The following NAPA variants were observed in gnomAD, a reference collection of about 807,000 sequenced individuals.
NAPA encodes NSF attachment protein alpha.
In NAPA, 18 loss-of-function variants were observed where a neutral mutation model predicts 48.0. The ratio of observed to expected loss-of-function variants is 0.38; its 90% CI spans 0.26 to 0.56. The LOEUF (loss-of-function observed/expected upper bound fraction) is 0.56. Ranked by LOEUF, NAPA falls within the 20% of genes least tolerant of loss-of-function variation. NAPA has a pLI of 0.77. For synonymous variants in NAPA, 152 were observed against 149.9 expected, an observed-to-expected ratio of 1.01 and a Z score of -0.10; for missense variants, 315 against 385.0, an observed-to-expected ratio of 0.82 and a Z score of 1.52.
At chr19:47,502,751 A>C (rs1968608158) in intron 2 of NAPA, among the ~76,000 whole-genome samples, 1 of 152,182 alleles carries the variant, frequency 6.6e-6, no homozygotes, top group Non-Finnish European at 1.5e-5. Context: ...GGGAGCTCCA[A>C]ACAGATCTCC....
intron 9 of NAPA, among the ~76,000 whole-genome samples, 198 bp from the exon 10 acceptor site, chr19:47,489,959 C>T (rs1455086032): frequency 6.6e-6 from 1 of 152,130 alleles, no homozygotes; most frequent in African/African-American, 2.4e-5. Context: ...TCATCAGAAA[C>T]GGCTTGCTCT....
At chr19:47,495,323 A>G (rs1968392265) in intron 4 of NAPA, 1 of 592,216 alleles carries the variant, frequency 1.7e-6, no homozygotes, top group African/African-American at 1.9e-5. Context: ...AATGAAAACC[A>G]TGACTGCCTG....
intron 1 of NAPA, among the ~76,000 whole-genome samples, chr19:47,512,216 G>A (rs1198115394): frequency 2.0e-5 from 3 of 152,054 alleles, no homozygotes; most frequent in African/African-American, 7.3e-5. Context: ...TCAGTTCCCT[G>A]TCTTTCCAGG....
intron 9 of NAPA, among the ~76,000 whole-genome samples, 158 bp downstream of exon 9, chr19:47,490,630 T>TG (rs1968237183): frequency 7.8e-6 from 1 of 128,686 alleles, no homozygotes; most frequent in African/African-American, 2.8e-5. Flanking sequence ...ATCTGGAAAA[T>TG]GGAGACTCAA....
Position 47,515,047 on chromosome 19 carries a change from A to C in NAPA, c.-107T>G. 1 of 1,144,230 alleles carries C rather than the reference A, an allele frequency of 8.7e-7. No individual in the cohort carries two copies. Among genetic ancestry groups the C allele is most frequent in the Non-Finnish European group, 1.2e-6 (1 of 807,522 alleles). 70.9% of individuals were successfully genotyped at this position (1,144,230 alleles called of 1,614,324 possible). On this transcript the variant is annotated 5_prime_UTR_variant, in exon 1 of 11. Transcript: ENST00000263354. ...CGGTAAAACTCGCCCGGCTGCGTTG[A>C]CGTCGCACCGGCGCGCGTCGCTTGC...
chr19:47,495,665 A>C (rs1968404198), intron 3 of NAPA, 69 bp from the exon 4 acceptor site: 7 of 1,451,574 alleles, frequency 4.8e-6, no homozygotes, highest in Non-Finnish European at 6.8e-6. Flanking sequence ...TGAGGAGAGG[A>C]GGCGGACGCA....
At chr19:47,489,252 A>C (rs1177096288) in intron 10 of NAPA, 2 of 171,120 alleles carry the variant, frequency 1.2e-5, no homozygotes, top group Admixed American at 5.6e-5. Context: ...GAAGGGAGAG[A>C]GAGCCGCGTG....
chr19:47,488,651 A>G (rs1010558729), intron 10 of NAPA: 1 of 236,074 alleles, frequency 4.2e-6, no homozygotes, highest in Non-Finnish European at 8.3e-6. Flanking sequence ...TGGGCGCAGT[A>G]GCTCACGCCT....
intron 1 of NAPA, among the ~76,000 whole-genome samples, chr19:47,505,713 C>T (rs557380846): frequency 2.0e-5 from 3 of 152,204 alleles, no homozygotes; most frequent in Non-Finnish European, 2.9e-5. Flanking sequence ...AATGCCCCCA[C>T]GGTGGGCGGG....
At chr19:47,502,221 C>A (rs1968592537) in intron 2 of NAPA, among the ~76,000 whole-genome samples, 1 of 93,406 alleles carries the variant, frequency 1.1e-5, no homozygotes, top group Non-Finnish European at 1.9e-5. Flanking sequence ...AGCCTGGCAA[C>A]AGAGCAAGAC....
Position 47,512,424 on chromosome 19 carries a change from T to C in NAPA, c.98+2419A>G, listed in dbSNP as rs191138200. Among the ~76,000 whole-genome samples, 37 of 152,184 alleles carry C rather than the reference T, an allele frequency of 2.4e-4. No individual in the cohort carries two copies. In the East Asian group the frequency reaches 6.6e-3, roughly 27 times the overall value. The stretch of plus-strand genomic sequence containing the variant: ...GACATCATCGAGCCCCTCCTTACAG[T>C]AGGTAATTCCACTTTATTGGTGTTT... On this transcript the variant is annotated intron_variant, in intron 1 of 10. Transcript: ENST00000263354.
intron 1 of NAPA, among the ~76,000 whole-genome samples, chr19:47,512,287 C>T (rs1968819270): frequency 6.6e-6 from 1 of 152,110 alleles, no homozygotes; most frequent in Non-Finnish European, 1.5e-5. Flanking sequence ...AGCACCCTCC[C>T]CGGCCCCACT....
At chr19:47,496,209 C>G (rs1968418711) in intron 3 of NAPA, 1 of 153,816 alleles carries the variant, frequency 6.5e-6, no homozygotes, top group Non-Finnish European at 1.4e-5. Flanking sequence ...GCCCCCTCTT[C>G]CTCGTAGCTC....
chr19:47,488,305 C>G lies in NAPA; in HGVS notation c.871G>C (p.Glu291Gln), dbSNP rs1968132032. 1.2e-6 allele frequency: 2 copies of G among 1,613,368 alleles called. No homozygotes were observed. Among genetic ancestry groups the G allele is most frequent in the Non-Finnish European group, 1.7e-6 (2 of 1,179,538 alleles). Residue 291 changes from glutamate to glutamine, a missense_variant, in exon 11 of 11, where the codon GAG becomes CAG. Glu to Gln is a conservative substitution (Grantham distance 29). Around this residue, in one of 3 missense-constraint regions of NAPA, gnomAD observed 137 missense variants for 150.1 expected, o/e 0.91. Coordinates refer to ENST00000263354, the MANE Select transcript of NAPA (RefSeq NM_003827.4). ...GGTGGGGCTTAGCGCAGGTCCTCCT[C>G]ATCGCCCTGGATGGTCTTCTTGATG... ...LRIKKTIQGD[E>Q]EDLR
intron 1 of NAPA, among the ~76,000 whole-genome samples, chr19:47,510,875 A>G (rs1263970182): frequency 6.6e-6 from 1 of 152,140 alleles, no homozygotes; most frequent in Non-Finnish European, 1.5e-5. Context: ...CGCCCCCATC[A>G]CCAAGGGGAG....
chr19:47,492,279 GGA>G, intron 7 of NAPA, 160 bp from the exon 8 acceptor site: 1 of 625,488 alleles, frequency 1.6e-6, no homozygotes, highest in Non-Finnish European at 2.8e-6. Context: ...GGACCAGCTT[GGA>G]GAGGTCAGCG....
At chr19:47,507,007 G>T (rs1194974703) in intron 1 of NAPA, 1 of 152,226 alleles carries the variant, frequency 6.6e-6, no homozygotes, top group Non-Finnish European at 1.5e-5. Flanking sequence ...TTTATTACGT[G>T]CCAGGAGATA....
In NAPA at chr19:47,493,344, C is replaced by A; in HGVS notation, c.420+72G>T. 6.4e-7 allele frequency: 1 copy of A among 1,568,830 alleles called. No individual in the cohort carries two copies. Among genetic ancestry groups the A allele is most frequent in the Non-Finnish European group, 8.8e-7 (1 of 1,141,652 alleles). ...CTCGGCACTCAGACACCAGAGGACT[C>A]CCCTGGTGGGAAGAAGAGAGAGCAG... On this transcript the variant is annotated intron_variant, in intron 5 of 10. Coordinates refer to ENST00000263354, the MANE Select transcript of NAPA (RefSeq NM_003827.4). This position sits in a 1 kb window ranked among gnomAD's most constrained non-coding sequence, Gnocchi z 6.4.
At chr19:47,509,444 T>C (rs373480313) in intron 1 of NAPA, among the ~76,000 whole-genome samples, 1 of 152,318 alleles carries the variant, frequency 6.6e-6, no homozygotes, top group South Asian at 2.1e-4. Context: ...CGTTTCCTTA[T>C]GTGTAACTAG....
Sources: allele counts gnomAD v4.1 joint callset (sites outside exome capture counted in the v4.1 genomes callset), GRCh38; gene constraint gnomAD v4.1.1; regional missense constraint gnomAD v4.1.1; non-coding constraint Gnocchi (gnomAD v3.1); transcripts MANE v1.5; gene names NCBI Gene and HGNC (gene_info 2026-07-23, HGNC 2026-07-21).